The following ABCA4 variants were observed in gnomAD, a reference collection of about 807,000 sequenced individuals.
ABCA4 encodes retinal-specific phospholipid-transporting ATPase ABCA4.
Under a neutral mutation model 263.7 loss-of-function variants are expected in ABCA4, and 196 were observed. The ratio of observed to expected loss-of-function variants is 0.74; its 90% CI spans 0.66 to 0.84. The LOEUF (loss-of-function observed/expected upper bound fraction) is 0.84, where lower values mean the gene tolerates loss of function less well. ABCA4 is among the 40% of genes least tolerant of loss of function. The pLI is 0.00. For missense variants in ABCA4, 2,792 were observed against 2,855.1 expected (o/e 0.98, Z 0.50); for synonymous variants, 1,133 against 1,094.2 (o/e 1.04, Z -0.70).
chr1:94,092,478 G>A lies in ABCA4; in HGVS notation c.768+6316C>T, dbSNP rs966994112. ...GGAAGCGGGCTTCAGTGGTGAGGGG[G>A]CAACCAGGAGGGGACACCCTGAGTG... On this transcript the variant is annotated intron_variant, in intron 6 of 49. Transcript: ENST00000370225. Among the ~76,000 whole-genome samples the A allele has an allele frequency of 3.3e-5, 5 of 152,204 alleles. No homozygotes were observed. The South Asian group carries it at 8.3e-4, about 25-fold the overall frequency.
intron 27 of ABCA4, 104 bp from the exon 28 acceptor site, chr1:94,031,224 C>A: frequency 6.8e-7 from 1 of 1,471,196 alleles, no homozygotes; most frequent in East Asian, 2.4e-5. Flanking sequence ...CCTGCAGCCT[C>A]CTAATCAGCC....
At chr1:94,095,023 G>A (rs1662084331) in intron 6 of ABCA4, among the ~76,000 whole-genome samples, 1 of 152,218 alleles carries the variant, frequency 6.6e-6, no homozygotes, top group Non-Finnish European at 1.5e-5. Flanking sequence ...AAATTTCCTT[G>A]GAGAAAATCC....
chr1:94,036,680 C>T (rs550226185), intron 26 of ABCA4, 60 bp downstream of exon 26: 78 of 1,570,286 alleles, frequency 5.0e-5, no homozygotes, highest in Non-Finnish European at 6.0e-5. Flanking sequence ...CTTAGACTTT[C>T]GAGATGGAAC....
intron 15 of ABCA4, among the ~76,000 whole-genome samples, chr1:94,056,157 G>C (rs1372075311): frequency 6.6e-6 from 1 of 152,216 alleles, no homozygotes; most frequent in African/African-American, 2.4e-5. Flanking sequence ...GCATGTTAAA[G>C]ATACTTGTGG....
At position 93,997,978 on chromosome 1, in the gene ABCA4, G is replaced by A. The variant is rs1261594518; in HGVS notation, c.6612C>T (p.Asn2204=). The A allele has an allele frequency of 3.1e-6, 5 of 1,614,054 alleles. No individual in the cohort carries two copies. The highest frequency in any genetic ancestry group is 2.7e-5 in the African/African-American group (2 of 74,916). ...PGSVQRERHY[N]MLQFQVSSSS... ...AGGAGGAGACCTGGAACTGGAGCAT[G>A]TTGTAGTGCCTCTCCCTCTGCACAC... The change falls in exon 48 of 50, where the codon AAC becomes AAT. Residue 2204 remains asparagine (N), a synonymous_variant. Transcript: ENST00000370225.
chr1:94,008,210 C>CA (rs759399232), intron 42 of ABCA4, 25 bp downstream of exon 42: 1 of 1,612,702 alleles, frequency 6.2e-7, no homozygotes, highest in African/African-American at 1.3e-5. Context: ...GGAAGCCTTT[C>CA]ACACGTGGTC....
rs61751418 is a variant in ABCA4 at position 94,080,595 on chromosome 1, C to T, written c.982G>A (p.Glu328Lys). ...GAGAGCACCCGAGAGCCACCTCCCTCGGGGTAGCCACACAGGAGGTCAGAC... is the reference window on the plus strand; with the variant it reads ...GAGAGCACCCGAGAGCCACCTCCCTTGGGGTAGCCACACAGGAGGTCAGAC... ...ILSDLLCGYP[E>K]GGGSRVLSFN... is the part of the protein sequence containing the mutation. Residue 328 changes from glutamate to lysine, a missense_variant, in exon 8 of 50, where the codon GAG (glutamate) becomes AAG (lysine). By Grantham distance (56) the Glu-to-Lys change is moderately conservative. Coordinates refer to ENST00000370225, the MANE Select transcript of ABCA4 (RefSeq NM_000350.3). The T allele has an allele frequency of 1.7e-5, 28 of 1,614,136 alleles. No individual in the cohort carries two copies. The highest frequency in any genetic ancestry group is 1.3e-4 in the Admixed American group (8 of 60,020).
intron 4 of ABCA4, 102 bp downstream of exon 4, chr1:94,108,475 C>T (rs1217536316): frequency 5.8e-6 from 9 of 1,550,326 alleles, no homozygotes; most frequent in Non-Finnish European, 8.0e-6. Context: ...CTTCCTGCCT[C>T]CGCTAGTATA....
intron 24 of ABCA4, among the ~76,000 whole-genome samples, chr1:94,039,669 C>T (rs1006084698): frequency 6.6e-6 from 1 of 152,178 alleles, no homozygotes; most frequent in Non-Finnish European, 1.5e-5. Flanking sequence ...CTGGAAGAGC[C>T]GTGCATCACC....
At chr1:94,006,616 G>A (rs965071079) in intron 43 of ABCA4, among the ~76,000 whole-genome samples, 4 of 152,210 alleles carry the variant, frequency 2.6e-5, no homozygotes, top group African/African-American at 9.7e-5. Flanking sequence ...GATGGACTCA[G>A]CCATGACCTG....
rs61753020 is a variant in ABCA4 at position 94,019,713 on chromosome 1, A to G, written c.5065T>C (p.Ser1689Pro). The change falls in exon 36 of 50, where the codon TCC (serine) becomes CCC (proline). Residue 1689 changes from serine (S) to proline (P), a missense_variant. Transcript: ENST00000370225. ...AAGCTGGCTGGGACGAAGGACATGG[A>G]GAAAATCACGCAGATGGCAACCACA... ...DAVVAICVIF[S>P]MSFVPASFVL... 7 of 1,613,756 alleles carry G rather than the reference A, an allele frequency of 4.3e-6. No homozygotes were observed. The highest frequency in any genetic ancestry group is 5.9e-6 in the Non-Finnish European group (7 of 1,179,872).
At chr1:94,108,107 A>G (rs1176875412) in intron 4 of ABCA4, among the ~76,000 whole-genome samples, 2 of 152,170 alleles carry the variant, frequency 1.3e-5, no homozygotes, top group Non-Finnish European at 2.9e-5. Context: ...TATTACTGGG[A>G]GAAATAGTAC....
intron 49 of ABCA4, 88 bp downstream of exon 49, chr1:93,996,021 C>T: frequency 7.9e-7 from 1 of 1,262,848 alleles, no homozygotes; most frequent in Non-Finnish European, 1.1e-6. Context: ...CATATCTGAG[C>T]CTTGGAGCAA....
At chr1:94,048,084 G>A (rs2101058769) in intron 18 of ABCA4, among the ~76,000 whole-genome samples, 1 of 152,324 alleles carries the variant, frequency 6.6e-6, no homozygotes, top group South Asian at 2.1e-4. Flanking sequence ...ATGGTGTACT[G>A]CAGTCTAACT....
intron 14 of ABCA4, among the ~76,000 whole-genome samples, chr1:94,057,954 T>C (rs1000364123): frequency 1.3e-5 from 2 of 152,180 alleles, no homozygotes; most frequent in African/African-American, 4.8e-5. Context: ...TTCTGATCAG[T>C]TGGCAGTAGT....
intron 13 of ABCA4, among the ~76,000 whole-genome samples, chr1:94,061,873 G>C (rs140319989): frequency 2.6e-4 from 39 of 152,324 alleles, no homozygotes; most frequent in African/African-American, 8.4e-4. Context: ...AGTTTTAGGT[G>C]AACTCAATTG....
Position 93,993,127 on chromosome 1 carries a change from G to A in ABCA4, c.*110C>T, listed in dbSNP as rs1658913902. 2 of 1,410,510 alleles carry A rather than the reference G, an allele frequency of 1.4e-6. No individual in the cohort carries two copies. The highest frequency in any genetic ancestry group is 3.4e-5 in the Admixed American group (2 of 58,382). The allele number at this position is 1,410,510 out of a possible 1,614,324, so 87.4% of individuals were successfully genotyped here. On this transcript the variant is annotated 3_prime_UTR_variant, in exon 50 of 50. Coordinates refer to ENST00000370225, the MANE Select transcript of ABCA4 (RefSeq NM_000350.3). Reference sequence around the variant, plus strand: ...TCGTGTGTTTGTTTTCTGCTGCAGTGGGGTCATTTACGCTGGCCAGTCCAT... The same window carrying A: ...TCGTGTGTTTGTTTTCTGCTGCAGTAGGGTCATTTACGCTGGCCAGTCCAT...
chr1:93,997,830 C>A, intron 48 of ABCA4, 31 bp downstream of exon 48: 1 of 1,613,630 alleles, frequency 6.2e-7, no homozygotes, highest in South Asian at 1.1e-5. Context: ...CCAGTCTTTG[C>A]TCAGCTCTCG....
intron 19 of ABCA4, chr1:94,045,746 C>G (rs1386834025): frequency 2.2e-6 from 1 of 456,276 alleles, no homozygotes; most frequent in South Asian, 1.5e-5. Context: ...GCCCCACATT[C>G]CATTCACACT....
Sources: allele counts gnomAD v4.1 joint callset (sites outside exome capture counted in the v4.1 genomes callset), GRCh38; gene constraint gnomAD v4.1.1; transcripts MANE v1.5; gene names NCBI Gene and HGNC (gene_info 2026-07-23, HGNC 2026-07-21).